Variants in SIN3A observed in about 807,000 individuals in gnomAD.
The protein encoded by SIN3A is SIN3 transcription regulator family member A.
In SIN3A, 14 loss-of-function variants were observed where a neutral mutation model predicts 146.1. The ratio of observed to expected loss-of-function variants is 0.10; its 90% CI spans 0.06 to 0.15. The LOEUF (loss-of-function observed/expected upper bound fraction) is 0.15. Ranked by LOEUF, SIN3A falls within the 10% of genes least tolerant of loss-of-function variation. The probability of loss-of-function intolerance (pLI) is 1.00; values close to 1 mark genes in which losing one functional copy is unlikely to be tolerated. For missense variants in SIN3A, 1,028 were observed against 1,576.0 expected, an observed-to-expected ratio of 0.65 and a Z score of 5.89; for synonymous variants, 572 against 572.0, an observed-to-expected ratio of 1.00 and a Z score of 0.00.
chr15:75,421,079 G>C (rs1292301622), intron 3 of SIN3A: 1 of 152,250 alleles, frequency 6.6e-6, no homozygotes, highest in African/African-American at 2.4e-5. Context: ...GATTGAAAAA[G>C]GCTATAGAAA....
intron 2 of SIN3A, 123 bp downstream of exon 2, chr15:75,430,064 T>C (rs1226817286): frequency 3.2e-5 from 23 of 721,596 alleles, no homozygotes; most frequent in Non-Finnish European, 4.8e-5. Flanking sequence ...GTTATTTTTT[T>C]TTTTACCTTA....
intron 15 of SIN3A, 112 bp from the exon 16 acceptor site, chr15:75,389,933 A>G: frequency 1.0e-6 from 1 of 958,194 alleles, no homozygotes; most frequent in South Asian, 1.6e-5. Flanking sequence ...TATGAACACT[A>G]GGTATTCAAA....
chr15:75,390,389 G>A (rs951219250), intron 15 of SIN3A, among the ~76,000 whole-genome samples: 9 of 152,168 alleles, frequency 5.9e-5, no homozygotes, highest in African/African-American at 2.2e-4. Flanking sequence ...AAATGGATTC[G>A]CTACGTTGTA....
chr15:75,394,048 T>C (rs948105039), intron 14 of SIN3A, among the ~76,000 whole-genome samples: 2 of 152,112 alleles, frequency 1.3e-5, no homozygotes, highest in Non-Finnish European at 2.9e-5. Context: ...CCTCAGGTGA[T>C]CTGCCCGCCT....
At chr15:75,430,120 T>C in intron 2 of SIN3A, 67 bp downstream of exon 2, 1 of 1,317,582 alleles carries the variant, frequency 7.6e-7, no homozygotes, top group Non-Finnish European at 1.1e-6. Context: ...TTAAAAAAAG[T>C]TTTATAATTG....
At chr15:75,430,544 T>G in intron 1 of SIN3A, 136 bp from the exon 2 acceptor site, 1 of 602,298 alleles carries the variant, frequency 1.7e-6, no homozygotes, top group Non-Finnish European at 2.7e-6. Flanking sequence ...AGTGATGAAG[T>G]TTAAGTGCAT....
At chr15:75,411,124 C>T (rs951874402) in intron 6 of SIN3A, among the ~76,000 whole-genome samples, 4 of 151,990 alleles carry the variant, frequency 2.6e-5, no homozygotes, top group South Asian at 2.1e-4. Context: ...GTCAGGAGTT[C>T]GAGACCAGCC....
intron 9 of SIN3A, among the ~76,000 whole-genome samples, chr15:75,404,769 A>C (rs546505705): frequency 3.5e-5 from 1 of 28,414 alleles, no homozygotes; most frequent in Non-Finnish European, 6.3e-5. Context: ...GAAAAAAAAT[A>C]AAAAAAAAAC....
At position 75,384,259 on chromosome 15, in the gene SIN3A, C is replaced by G; in HGVS notation, c.3195+5G>C. The G allele has an allele frequency of 6.2e-7, 1 of 1,603,510 alleles. No individual in the cohort carries two copies. The highest frequency in any genetic ancestry group is 8.5e-7 in the Non-Finnish European group (1 of 1,174,134). On this transcript the variant is annotated splice_donor_5th_base_variant and intron_variant, in intron 17 of 20. Transcript: ENST00000394947. ...AAGGTCTTCGACTACCTGACCAACT[C>G]TCACCTTAAAGCAATTCTCATCTGA...
At chr15:75,409,379 ACT>A (rs1254199740) in intron 8 of SIN3A, among the ~76,000 whole-genome samples, 1 of 152,160 alleles carries the variant, frequency 6.6e-6, no homozygotes, top group Non-Finnish European at 1.5e-5. Context: ...TAAACTCTGC[ACT>A]GAGTTTCTGT....
At chr15:75,428,779 C>T (rs986311746) in intron 2 of SIN3A, among the ~76,000 whole-genome samples, 1 of 152,066 alleles carries the variant, frequency 6.6e-6, no homozygotes, top group African/African-American at 2.4e-5. Flanking sequence ...ATTATGGGTG[C>T]GAGCCACTGC....
At chr15:75,403,652 T>G (rs1379976875) in intron 9 of SIN3A, among the ~76,000 whole-genome samples, 1 of 151,758 alleles carries the variant, frequency 6.6e-6, no homozygotes, top group Non-Finnish European at 1.5e-5. Context: ...GCGATTCTCC[T>G]GCCTCGGCCT....
chr15:75,407,275 TAACC>T, intron 8 of SIN3A, 131 bp from the exon 9 acceptor site: 1 of 611,378 alleles, frequency 1.6e-6, no homozygotes. Context: ...GAGAGAACTC[TAACC>T]AACTCACTCC....
At chr15:75,387,206 G>A (rs532326324) in intron 16 of SIN3A, among the ~76,000 whole-genome samples, 1 of 152,264 alleles carries the variant, frequency 6.6e-6, no homozygotes, top group African/African-American at 2.4e-5. Flanking sequence ...AGTTAAAGGA[G>A]TTGAGAAGCT....
intron 1 of SIN3A, among the ~76,000 whole-genome samples, chr15:75,434,625 G>A (rs1228875638): frequency 6.6e-6 from 1 of 151,320 alleles, no homozygotes; most frequent in Non-Finnish European, 1.5e-5. Flanking sequence ...ACTCCAGCCT[G>A]GGCAATAGAG....
intron 13 of SIN3A, among the ~76,000 whole-genome samples, chr15:75,395,971 A>G (rs2073295255): frequency 6.6e-6 from 1 of 152,188 alleles, no homozygotes. Context: ...TGAGTGTGGC[A>G]GGAACATGGG....
intron 3 of SIN3A, chr15:75,416,051 C>T (rs898000408): frequency 7.0e-6 from 2 of 286,828 alleles, no homozygotes; most frequent in Admixed American, 3.6e-5. Context: ...CTGTGTACTT[C>T]TGGTGACTGT....
chr15:75,400,761 T>A lies in SIN3A; in HGVS notation c.1706A>T (p.Lys569Met). Residue 569 changes from lysine (K) to methionine (M), a missense_variant, in exon 11 of 21, where the codon AAG becomes ATG. This residue lies in a region of SIN3A where 157 missense variants were observed against 284.8 expected (regional missense o/e 0.55). Coordinates refer to ENST00000394947, the MANE Select transcript of SIN3A (RefSeq NM_001145358.2). ...ACAGAGAGGAGTCCGTCCTGTACAC[T>A]TGGGCTGCTGGTAACTCTTTGGTAA... ...RALPKSYQQPKCTGRTPLCKE... is the reference protein window; with the variant it reads ...RALPKSYQQPMCTGRTPLCKE... 1 of 1,614,088 alleles carries A rather than the reference T, an allele frequency of 6.2e-7. No individual in the cohort carries two copies. The highest frequency in any genetic ancestry group is 8.5e-7 in the Non-Finnish European group (1 of 1,180,032).
At chr15:75,376,079 C>CT in intron 19 of SIN3A, 1 of 600,140 alleles carries the variant, frequency 1.7e-6, no homozygotes, top group Non-Finnish European at 2.9e-6. Context: ...CACCCATCCC[C>CT]TACTTGACTT....
Sources: gnomAD v4.1 joint callset for allele counts (sites outside exome capture counted in the v4.1 genomes callset) on GRCh38, gnomAD v4.1.1 for gene constraint, gnomAD v4.1.1 regional missense constraint, MANE v1.5 for transcripts, NCBI Gene and HGNC (gene_info 2026-07-23, HGNC 2026-07-21) for gene names.